Variants in RAI1 observed in about 807,000 individuals in gnomAD.
The protein encoded by RAI1 is retinoic acid induced 1.
Under a neutral mutation model 123.8 loss-of-function variants are expected in RAI1, and 9 were observed. That is an observed-to-expected ratio of 0.07 (90% confidence interval 0.04 to 0.13). The LOEUF is 0.13. RAI1 is among the 10% of genes least tolerant of loss of function. The probability of loss-of-function intolerance (pLI) is 1.00; values close to 1 mark genes in which losing one functional copy is unlikely to be tolerated. For synonymous variants in RAI1, 1,231 were observed against 1,127.3 expected (o/e 1.09, Z -1.84); for missense variants, 2,256 against 2,545.8 (o/e 0.89, Z 2.45).
intron 2 of RAI1, among the ~76,000 whole-genome samples, chr17:17,782,572 C>G (rs1409377455): frequency 6.7e-6 from 1 of 149,552 alleles, no homozygotes; most frequent in African/African-American, 2.5e-5. Context: ...GGGAAGCGCT[C>G]CATTATTCAT....
At chr17:17,694,729 G>A (rs1914955766) in intron 1 of RAI1, among the ~76,000 whole-genome samples, 2 of 150,552 alleles carry the variant, frequency 1.3e-5, no homozygotes, top group Admixed American at 6.6e-5. Context: ...AGGGGGCCCG[G>A]GACCTTCGGG....
At chr17:17,745,154 T>C (rs1916783710) in intron 2 of RAI1, among the ~76,000 whole-genome samples, 1 of 152,052 alleles carries the variant, frequency 6.6e-6, no homozygotes, top group Non-Finnish European at 1.5e-5. Flanking sequence ...TCGGGGAACC[T>C]TGAAGGGACA....
chr17:17,809,998 C>G lies in RAI1; in HGVS notation c.*17C>G. On this transcript the variant is annotated 3_prime_UTR_variant, in exon 6 of 6. Coordinates refer to ENST00000353383, the MANE Select transcript of RAI1 (RefSeq NM_030665.4). This position sits in a 1 kb window ranked among gnomAD's most constrained non-coding sequence, Gnocchi z 4.9. ...CTGCCGTAGTAATCCACCCCAACGG[C>G]CGGAGGAGCCGCCGGAGCCCGCCTG... The G allele has an allele frequency of 1.3e-6, 2 of 1,546,682 alleles. No homozygotes were observed. Among genetic ancestry groups the G allele is most frequent in the Non-Finnish European group, 1.7e-6 (2 of 1,146,324 alleles).
At chr17:17,704,077 T>C (rs1454224270) in intron 1 of RAI1, among the ~76,000 whole-genome samples, 1 of 152,160 alleles carries the variant, frequency 6.6e-6, no homozygotes, top group Non-Finnish European at 1.5e-5. Context: ...GGCCAGGGCC[T>C]GGGGACTCTG....
At chr17:17,766,065 G>T (rs1438658552) in intron 2 of RAI1, 1 of 152,316 alleles carries the variant, frequency 6.6e-6, no homozygotes, top group Non-Finnish European at 1.5e-5. Context: ...CAGCCCCTGA[G>T]CAGCCAGGCG....
At chr17:17,696,893 C>T (rs989325081) in intron 1 of RAI1, among the ~76,000 whole-genome samples, 3 of 152,226 alleles carry the variant, frequency 2.0e-5, no homozygotes, top group Admixed American at 6.5e-5. Context: ...CCCGAGGCCC[C>T]TTGTCGATCC....
intron 1 of RAI1, among the ~76,000 whole-genome samples, chr17:17,688,724 C>T (rs1052648344): frequency 1.3e-4 from 19 of 151,926 alleles, no homozygotes; most frequent in African/African-American, 3.4e-4. Context: ...CTCAGCCTCC[C>T]GAGTAGCTGG....
At chr17:17,713,068 G>A (rs1915612966) in intron 1 of RAI1, among the ~76,000 whole-genome samples, 1 of 152,100 alleles carries the variant, frequency 6.6e-6, no homozygotes, top group African/African-American at 2.4e-5. Flanking sequence ...TTAGGTAGCA[G>A]TGATAGTTGC....
At chr17:17,684,658 TACTC>T (rs1184225283) in intron 1 of RAI1, 1 of 145,354 alleles carries the variant, frequency 6.9e-6, no homozygotes, top group African/African-American at 2.5e-5. Flanking sequence ...GACTTTTTGT[TACTC>T]ACTTAATGCA....
chr17:17,726,251 C>T (rs1175797280), intron 2 of RAI1, among the ~76,000 whole-genome samples: 1 of 152,222 alleles, frequency 6.6e-6, no homozygotes, highest in Non-Finnish European at 1.5e-5. Flanking sequence ...CCCTTCTACC[C>T]TTTGCCCAGA....
At chr17:17,758,288 C>T (rs1292971046) in intron 2 of RAI1, among the ~76,000 whole-genome samples, 1 of 152,154 alleles carries the variant, frequency 6.6e-6, no homozygotes, top group East Asian at 1.9e-4. Context: ...AGGGGATGGG[C>T]GGGGAGGGAG....
At chr17:17,772,235 T>C (rs1314603937) in intron 2 of RAI1, among the ~76,000 whole-genome samples, 2 of 152,296 alleles carry the variant, frequency 1.3e-5, no homozygotes, top group Middle Eastern at 3.4e-3. Context: ...GTATCTAGAA[T>C]TGGCTGTGGA....
At chr17:17,772,972 G>A (rs1467810391) in intron 2 of RAI1, among the ~76,000 whole-genome samples, 1 of 150,922 alleles carries the variant, frequency 6.6e-6, no homozygotes, top group African/African-American at 2.4e-5. Context: ...GGATGGATGG[G>A]TGGGTGATTG....
chr17:17,735,096 A>G (rs1227085165), intron 2 of RAI1, among the ~76,000 whole-genome samples: 1 of 152,028 alleles, frequency 6.6e-6, no homozygotes, highest in East Asian at 1.9e-4. Flanking sequence ...TCTGTTGCCT[A>G]AGCTGGAGTG....
intron 2 of RAI1, among the ~76,000 whole-genome samples, chr17:17,738,598 C>A (rs887643784): frequency 1.3e-5 from 2 of 152,192 alleles, no homozygotes; most frequent in African/African-American, 2.4e-5. Context: ...TGAAATGAGC[C>A]TGGGGTCCAC....
At position 17,797,276 on chromosome 17, in the gene RAI1, C is replaced by T. The variant is rs763125083; in HGVS notation, c.4328C>T (p.Ala1443Val). The change falls in exon 3 of 6, where the codon GCG becomes GTG. Residue 1443 changes from alanine to valine, a missense_variant. Ala to Val is a moderately conservative substitution (Grantham distance 64). Transcript: ENST00000353383. ...EALQPGGTAL[A>V]PKKRSRKGRA... is the part of the protein sequence containing the mutation. ...CTGCAGCCTGGGGGGACTGCCCTGG[C>T]GCCTAAGAAGAGGAGCCGGAAAGGC... The T allele has an allele frequency of 9.3e-6, 15 of 1,612,932 alleles. No homozygotes were observed. Among genetic ancestry groups the T allele is most frequent in the Admixed American group, 5.0e-5 (3 of 60,008 alleles).
Position 17,798,092 on chromosome 17 carries a change from A to G in RAI1, c.5144A>G (p.Lys1715Arg). 1 of 1,614,004 alleles carries G rather than the reference A, an allele frequency of 6.2e-7. No homozygotes were observed. Among genetic ancestry groups the G allele is most frequent in the Non-Finnish European group, 8.5e-7 (1 of 1,180,022 alleles). The change falls in exon 3 of 6, where the codon AAG (lysine) becomes AGG (arginine). Residue 1715 changes from lysine (K) to arginine (R), a missense_variant. Lys to Arg is a conservative substitution (Grantham distance 26). This residue lies in a region of RAI1 where 243 missense variants were observed against 316.6 expected (regional missense o/e 0.77). Coordinates refer to ENST00000353383, the MANE Select transcript of RAI1 (RefSeq NM_030665.4). Reference sequence around the variant, plus strand: ...TACCCTGAACACTGCCTCCCCAAAAAGAAGCCAAAACTCAAGGAGAAGGTG... The same window carrying G: ...TACCCTGAACACTGCCTCCCCAAAAGGAAGCCAAAACTCAAGGAGAAGGTG... Reference protein sequence around the residue: ...PYYPEHCLPKKKPKLKEKVRP... With the variant: ...PYYPEHCLPKRKPKLKEKVRP...
chr17:17,774,538 G>A (rs73295697), intron 2 of RAI1, among the ~76,000 whole-genome samples: 5,009 of 152,262 alleles, frequency 0.033, 237 homozygotes, highest in African/African-American at 0.11. Context: ...CCACTGCCCC[G>A]CCAGGCCCCT....
chr17:17,778,633 G>A, intron 2 of RAI1: 1 of 422,760 alleles, frequency 2.4e-6, no homozygotes, highest in Non-Finnish European at 4.8e-6. Context: ...CCTGAAACCG[G>A]AGCCCCAGCC....
Sources: allele counts gnomAD v4.1 joint callset (sites outside exome capture counted in the v4.1 genomes callset), GRCh38; gene constraint gnomAD v4.1.1; regional missense constraint gnomAD v4.1.1; non-coding constraint Gnocchi (gnomAD v3.1); transcripts MANE v1.5; gene names NCBI Gene and HGNC (gene_info 2026-07-23, HGNC 2026-07-21).